Variants in ANKUB1 observed in about 807,000 individuals in gnomAD.
The protein encoded by ANKUB1 is protein ANKUB1.
A neutral mutation model predicts 49.3 loss-of-function variants in ANKUB1; 42 were observed. The observed-to-expected ratio is 0.85, with a 90% CI of 0.67 to 1.10. The LOEUF (loss-of-function observed/expected upper bound fraction) is 1.10, where lower values mean the gene tolerates loss of function less well. Ranked by LOEUF, ANKUB1 falls within the 50% of genes least tolerant of loss-of-function variation. The pLI is 0.00. For synonymous variants in ANKUB1, 222 were observed against 231.0 expected (o/e 0.96, Z 0.35); for missense variants, 613 against 642.0 (o/e 0.95, Z 0.49).
At chr3:149,765,881 A>C (rs578146568) in intron 5 of ANKUB1, among the ~76,000 whole-genome samples, 14 of 152,304 alleles carry the variant, frequency 9.2e-5, no homozygotes, top group Admixed American at 2.6e-4. Flanking sequence ...TCTATTGTCA[A>C]CCTCACTCTG....
chr3:149,784,130 A>G (rs1249992781), intron 2 of ANKUB1, among the ~76,000 whole-genome samples: 2 of 152,182 alleles, frequency 1.3e-5, no homozygotes, highest in African/African-American at 2.4e-5. Context: ...CATCTACTCA[A>G]TGGTACTACA....
rs201831194 is a variant in ANKUB1 at position 149,790,858 on chromosome 3, C to T, written c.157G>A (p.Gly53Arg). The change falls in exon 2 of 6, where the codon GGA (glycine) becomes AGA (arginine). Residue 53 changes from glycine to arginine, a missense_variant. Coordinates refer to ENST00000446160, the MANE Select transcript of ANKUB1 (RefSeq NM_001144960.3). Reference protein sequence around the residue: ...GRRYLELMYAGAALKDSWSLA... With the variant: ...GRRYLELMYARAALKDSWSLA... Reference sequence around the variant, plus strand: ...CTCCAACTGTCCTTTAGAGCAGCTCCAGCATACATTAACTCCAGATACCGC... The same window carrying T: ...CTCCAACTGTCCTTTAGAGCAGCTCTAGCATACATTAACTCCAGATACCGC... The T allele has an allele frequency of 3.2e-6, 5 of 1,552,138 alleles. No individual in the cohort carries two copies. Among genetic ancestry groups the T allele is most frequent in the African/African-American group, 1.4e-5 (1 of 73,144 alleles).
Position 149,792,437 on chromosome 3 carries a change from C to G in ANKUB1, c.-71G>C, listed in dbSNP as rs2108285486. 8.0e-7 allele frequency: 1 copy of G among 1,254,690 alleles called. No individual in the cohort carries two copies. Among genetic ancestry groups the G allele is most frequent in the Non-Finnish European group, 1.1e-6 (1 of 935,810 alleles). The allele number at this position is 1,254,690 out of a possible 1,614,324, so 77.7% of individuals were successfully genotyped here. ...ATTCTCCTGGATGGCTAGAAAAATT[C>G]CGGTTCACAATTAAGGACAAAAATG... On this transcript the variant is annotated 5_prime_UTR_variant, in exon 1 of 6. Coordinates refer to ENST00000446160, the MANE Select transcript of ANKUB1 (RefSeq NM_001144960.3).
chr3:149,763,200 T>C (rs969466198), intron 5 of ANKUB1, among the ~76,000 whole-genome samples: 2 of 152,198 alleles, frequency 1.3e-5, no homozygotes, highest in Non-Finnish European at 2.9e-5. Flanking sequence ...AATTAGGTGT[T>C]AAGTCTTAAA....
intron 3 of ANKUB1, among the ~76,000 whole-genome samples, chr3:149,775,388 A>G (rs1370480676): frequency 4.6e-5 from 7 of 152,214 alleles, no homozygotes; most frequent in African/African-American, 1.7e-4. Context: ...GTTGGAAAGA[A>G]CCCAGTCCTG....
At chr3:149,770,796 CT>C (rs1291548852) in intron 3 of ANKUB1, 122 bp from the exon 4 acceptor site, 27 of 626,884 alleles carry the variant, frequency 4.3e-5, no homozygotes, top group Non-Finnish European at 7.4e-5. Context: ...GAAAAATAAC[CT>C]TGGAACAAGG....
chr3:149,761,731 T>TCTACCTATGTGACA, intron 5 of ANKUB1, 118 bp from the exon 6 acceptor site: 4 of 1,095,040 alleles, frequency 3.7e-6, no homozygotes, highest in South Asian at 1.8e-5. Context: ...TCTTGTCACA[T>TCTACCTATGTGACA]AGGTAGATGT....
intron 2 of ANKUB1, 37 bp downstream of exon 2, chr3:149,790,744 T>A: frequency 6.6e-7 from 1 of 1,512,910 alleles, no homozygotes. Context: ...CAAAATGAGA[T>A]AGATATCTTA....
rs757064145 is a variant in ANKUB1, at chr3:149,770,557, T to C, written c.566+3A>G. The C allele has an allele frequency of 6.5e-7, 1 of 1,529,134 alleles. No individual in the cohort carries two copies. The allele number at this position is 1,529,134 out of a possible 1,614,324, so 94.7% of individuals were successfully genotyped here. Reference sequence around the variant, plus strand: ...AAGTTAATTTAAAATTAATTTCTCATACTTGAGTACTGGTCCTTCTTTTGA... The same window carrying C: ...AAGTTAATTTAAAATTAATTTCTCACACTTGAGTACTGGTCCTTCTTTTGA... On this transcript the variant is annotated splice_donor_region_variant and intron_variant, in intron 4 of 5. Coordinates refer to ENST00000446160, the MANE Select transcript of ANKUB1 (RefSeq NM_001144960.3).
rs1230519076 is a variant in ANKUB1 at position 149,770,558 on chromosome 3, A to T, written c.566+2T>A. 10 of 1,529,620 alleles carry T rather than the reference A, an allele frequency of 6.5e-6. No individual in the cohort carries two copies. The highest frequency in any genetic ancestry group is 8.8e-6 in the Non-Finnish European group (10 of 1,131,588). 94.8% of individuals were successfully genotyped at this position (1,529,620 alleles called of 1,614,324 possible). ...AGTTAATTTAAAATTAATTTCTCAT[A>T]CTTGAGTACTGGTCCTTCTTTTGAT... On this transcript the variant is annotated splice_donor_variant, in intron 4 of 5. Coordinates refer to ENST00000446160, the MANE Select transcript of ANKUB1 (RefSeq NM_001144960.3). LOFTEE classifies it high-confidence loss of function.
rs576631293 is a variant in ANKUB1, at chr3:149,777,681, C to A, written c.451+2558G>T. Among the ~76,000 whole-genome samples, 21 of 152,314 alleles carry A rather than the reference C, an allele frequency of 1.4e-4. 1 individual carries two copies. The South Asian group carries it at 4.4e-3, about 32-fold the overall frequency. On this transcript the variant is annotated intron_variant, in intron 3 of 5. Transcript: ENST00000446160. ...TGCTTTCTGTCCCTCCCTGGAATGT[C>A]TTCCCTTCCTCCTCTCAGATGATCC...
chr3:149,769,709 A>C lies in ANKUB1; in HGVS notation c.566+851T>G, dbSNP rs1033851458. Among the ~76,000 whole-genome samples, 5 of 152,224 alleles carry C rather than the reference A, an allele frequency of 3.3e-5. No individual in the cohort carries two copies. In the East Asian group the frequency reaches 9.6e-4, roughly 29 times the overall value. On this transcript the variant is annotated intron_variant, in intron 4 of 5. Coordinates refer to ENST00000446160, the MANE Select transcript of ANKUB1 (RefSeq NM_001144960.3). ...TTGAATGCTGTACTGAAAATGAAAAAGAATTGTTTTATGGGCACTGGAAGT... is the reference window on the plus strand; with the variant it reads ...TTGAATGCTGTACTGAAAATGAAAACGAATTGTTTTATGGGCACTGGAAGT...
intron 5 of ANKUB1, chr3:149,763,882 A>G (rs1217982302): frequency 4.2e-5 from 19 of 456,090 alleles, no homozygotes; most frequent in Admixed American, 9.4e-5. Context: ...CAACCCTGAG[A>G]GGTTTAGTTT....
chr3:149,791,695 A>C (rs986547358), intron 1 of ANKUB1, among the ~76,000 whole-genome samples: 4 of 152,178 alleles, frequency 2.6e-5, no homozygotes, highest in African/African-American at 9.7e-5. Flanking sequence ...TTAATTTTTT[A>C]TTTTAGAGTG....
At chr3:149,761,838 A>G (rs1219921047) in intron 5 of ANKUB1, among the ~76,000 whole-genome samples, 2 of 152,202 alleles carry the variant, frequency 1.3e-5, no homozygotes, top group Non-Finnish European at 2.9e-5. Flanking sequence ...ATCCACAACT[A>G]GAAACAGAAA....
chr3:149,785,054 T>C (rs914974168), intron 2 of ANKUB1, among the ~76,000 whole-genome samples: 1 of 152,184 alleles, frequency 6.6e-6, no homozygotes, highest in Non-Finnish European at 1.5e-5. Flanking sequence ...TGCCTCTGCA[T>C]GTTGTACAAA....
At chr3:149,782,691 C>T (rs1042891764) in intron 2 of ANKUB1, among the ~76,000 whole-genome samples, 3 of 151,870 alleles carry the variant, frequency 2.0e-5, no homozygotes, top group African/African-American at 7.3e-5. Context: ...CACTCACCAC[C>T]AAACCCAGCT....
intron 5 of ANKUB1, chr3:149,766,545 A>C (rs1008141546): frequency 5.8e-6 from 2 of 344,686 alleles, no homozygotes; most frequent in Middle Eastern, 1.0e-3. Flanking sequence ...CATGCCTGTA[A>C]TCCCAGCACT....
At chr3:149,791,552 A>T (rs1267144552) in intron 1 of ANKUB1, among the ~76,000 whole-genome samples, 1 of 152,224 alleles carries the variant, frequency 6.6e-6, no homozygotes, top group Non-Finnish European at 1.5e-5. Flanking sequence ...CCCTTGTGTT[A>T]CAAGATTTAG....
Sources: allele counts gnomAD v4.1 joint callset (sites outside exome capture counted in the v4.1 genomes callset), GRCh38; gene constraint gnomAD v4.1.1; transcripts MANE v1.5; gene names NCBI Gene and HGNC (gene_info 2026-07-23, HGNC 2026-07-21).